The following TAFA4 variants were observed in gnomAD, a reference collection of about 807,000 sequenced individuals.
TAFA4 encodes chemokine-like protein TAFA-4.
In TAFA4, 20 loss-of-function variants were observed where a neutral mutation model predicts 21.1. The observed-to-expected ratio is 0.95, with a 90% CI of 0.67 to 1.38. The LOEUF is 1.38. Ranked by LOEUF, TAFA4 falls within the 40% of genes most tolerant of loss-of-function variation. The pLI, the probability that TAFA4 is intolerant of heterozygous loss-of-function variation, is 0.00. For missense variants in TAFA4, 211 were observed against 180.9 expected, an observed-to-expected ratio of 1.17 and a Z score of -0.95; for synonymous variants, 71 against 67.4, an observed-to-expected ratio of 1.05 and a Z score of -0.26.
chr3:68,831,480 G>C (rs139486875), intron 3 of TAFA4, among the ~76,000 whole-genome samples: 1 of 151,638 alleles, frequency 6.6e-6, no homozygotes, highest in African/African-American at 2.4e-5. Flanking sequence ...TTCTGGGTTG[G>C]AAATTCTTTT....
rs563159131 is a variant in TAFA4 at position 68,777,189 on chromosome 3, A to C, written c.131-24171T>G. 5.1e-4 allele frequency among the ~76,000 whole-genome samples: 78 copies of C among 152,220 alleles called. 3 individuals carry two copies. The South Asian group carries it at 0.013, about 26-fold the overall frequency. On this transcript the variant is annotated intron_variant, in intron 3 of 5. Coordinates refer to ENST00000295569, the MANE Select transcript of TAFA4 (RefSeq NM_182522.5). ...TTCATACTATAACTGTCTAAAGCAA[A>C]ATAATAATACACTATGGAATTTAAA... is the stretch of plus-strand genomic sequence containing the variant.
intron 3 of TAFA4, among the ~76,000 whole-genome samples, chr3:68,789,357 T>C (rs72925147): frequency 0.03 from 4,512 of 152,278 alleles, 235 homozygotes; most frequent in African/African-American, 0.1. Context: ...CTTCTTTTTA[T>C]GCCTGTATCA....
At chr3:68,742,082 T>C (rs139576277) in intron 4 of TAFA4, among the ~76,000 whole-genome samples, 300 of 152,326 alleles carry the variant, frequency 2.0e-3, no homozygotes, top group African/African-American at 6.7e-3. Context: ...ATAAATGTGA[T>C]ACACCACATT....
At chr3:68,922,701 G>A (rs1005711631) in intron 1 of TAFA4, among the ~76,000 whole-genome samples, 7 of 152,160 alleles carry the variant, frequency 4.6e-5, no homozygotes, top group African/African-American at 1.4e-4. Context: ...AAAATCTCTC[G>A]AAGAAACGGT....
chr3:68,743,628 A>T lies in TAFA4; in HGVS notation c.287-4429T>A, dbSNP rs765823899. 2.6e-5 allele frequency among the ~76,000 whole-genome samples: 4 copies of T among 152,000 alleles called. No individual in the cohort carries two copies. In the South Asian group the frequency reaches 6.3e-4, roughly 24 times the overall value. The stretch of plus-strand genomic sequence containing the variant: ...TATATTCTTTGCAGCCTCAAATATC[A>T]TAACAATTTCCCCTTGCAGCTTCAT... On this transcript the variant is annotated intron_variant, in intron 4 of 5. Transcript: ENST00000295569.
intron 5 of TAFA4, among the ~76,000 whole-genome samples, chr3:68,737,383 T>G (rs1229872420): frequency 1.3e-5 from 2 of 152,162 alleles, no homozygotes; most frequent in African/African-American, 4.8e-5. Context: ...AGTGTTGACC[T>G]CCTTGCACCA....
intron 1 of TAFA4, among the ~76,000 whole-genome samples, chr3:68,919,344 A>G (rs1575673601): frequency 1.3e-5 from 2 of 152,188 alleles, no homozygotes; most frequent in East Asian, 1.9e-4. Context: ...AATCTTAATG[A>G]CATCGTCTTG....
intron 3 of TAFA4, among the ~76,000 whole-genome samples, chr3:68,877,925 A>G (rs1333592662): frequency 6.6e-6 from 1 of 152,178 alleles, no homozygotes; most frequent in Non-Finnish European, 1.5e-5. Flanking sequence ...AGTTATCCCA[A>G]TAACTCCAAA....
intron 4 of TAFA4, among the ~76,000 whole-genome samples, chr3:68,742,450 C>G (rs72933928): frequency 0.017 from 2,556 of 148,206 alleles, 82 homozygotes; most frequent in African/African-American, 0.06. Context: ...GTCAGAAACT[C>G]TAGTTCAAAC....
Position 68,733,058 on chromosome 3 carries a change from T to C in TAFA4, c.*84A>G. 6.3e-7 allele frequency: 1 copy of C among 1,577,974 alleles called. No homozygotes were observed. Among genetic ancestry groups the C allele is most frequent in the Non-Finnish European group, 8.7e-7 (1 of 1,155,222 alleles). On this transcript the variant is annotated 3_prime_UTR_variant, in exon 6 of 6. Coordinates refer to ENST00000295569, the MANE Select transcript of TAFA4 (RefSeq NM_182522.5). ...GTTGCTGAAATCCTAGACAATTTTCTGCAAAGGGGCCATGATGGGAATCCA... is the reference window on the plus strand; with the variant it reads ...GTTGCTGAAATCCTAGACAATTTTCCGCAAAGGGGCCATGATGGGAATCCA...
chr3:68,772,028 T>C (rs1273533049), intron 3 of TAFA4, among the ~76,000 whole-genome samples: 4 of 119,318 alleles, frequency 3.4e-5, no homozygotes, highest in African/African-American at 8.1e-5. Context: ...GGGATGAAGA[T>C]TTTTTTTTTA....
chr3:68,802,780 G>A (rs80116877), intron 3 of TAFA4, among the ~76,000 whole-genome samples: 5,440 of 152,204 alleles, frequency 0.036, 285 homozygotes, highest in East Asian at 0.24. Flanking sequence ...TAGAACATCC[G>A]AGAAATCACC....
intron 3 of TAFA4, among the ~76,000 whole-genome samples, chr3:68,773,049 C>A (rs1702988160): frequency 6.6e-6 from 1 of 152,176 alleles, no homozygotes; most frequent in African/African-American, 2.4e-5. Flanking sequence ...ATGATTAACT[C>A]CAGCTCAGTC....
At position 68,732,557 on chromosome 3, in the gene TAFA4, A is replaced by ACAATG. The variant is rs1702168724; in HGVS notation, c.*580_*584dup. The ACAATG allele has an allele frequency of 6.5e-6, 1 of 152,748 alleles. No homozygotes were observed. The highest frequency in any genetic ancestry group is 2.4e-5 in the African/African-American group (1 of 41,574). The allele number at this position is 152,748 out of a possible 1,614,324, so 9.5% of individuals were successfully genotyped here. A position where few individuals can be genotyped will look rare whatever the true frequency, so the allele number is the denominator to read the frequency against. ...GCAAAAAAAAAATAGAAGTAAAAAT[A>ACAATG]CAATGCACACACAATAATCCAACTA... On this transcript the variant is annotated 3_prime_UTR_variant, in exon 6 of 6. Coordinates refer to ENST00000295569, the MANE Select transcript of TAFA4 (RefSeq NM_182522.5).
chr3:68,874,614 G>T lies in TAFA4; in HGVS notation c.130+6116C>A, dbSNP rs1319107373. Reference sequence around the variant, plus strand: ...GGAAATTTCTTCTCAAGGGTAAGGAGAATCTTTTCCCAAACTACCCGAGGA... The same window carrying T: ...GGAAATTTCTTCTCAAGGGTAAGGATAATCTTTTCCCAAACTACCCGAGGA... On this transcript the variant is annotated intron_variant, in intron 3 of 5. Coordinates refer to ENST00000295569, the MANE Select transcript of TAFA4 (RefSeq NM_182522.5). Among the ~76,000 whole-genome samples the T allele has an allele frequency of 2.0e-5, 3 of 152,098 alleles. No homozygotes were observed. The East Asian group carries it at 5.8e-4, about 29-fold the overall frequency.
intron 3 of TAFA4, among the ~76,000 whole-genome samples, chr3:68,848,957 G>C (rs938266930): frequency 3.3e-5 from 5 of 151,630 alleles, no homozygotes; most frequent in African/African-American, 1.2e-4. Flanking sequence ...TGTACCTAGC[G>C]AGAAAAATAA....
intron 3 of TAFA4, among the ~76,000 whole-genome samples, chr3:68,760,632 C>T (rs1365468178): frequency 6.6e-6 from 1 of 152,196 alleles, no homozygotes. Context: ...TTCAGCCTAT[C>T]TCTCCACGGG....
intron 1 of TAFA4, among the ~76,000 whole-genome samples, chr3:68,889,483 C>T (rs2089709791): frequency 6.6e-6 from 1 of 152,192 alleles, no homozygotes; most frequent in Admixed American, 6.5e-5. Flanking sequence ...TGAATTCCCT[C>T]AGAGAACTAT....
intron 3 of TAFA4, among the ~76,000 whole-genome samples, chr3:68,853,495 T>G (rs976623717): frequency 1.3e-5 from 2 of 152,154 alleles, no homozygotes; most frequent in African/African-American, 4.8e-5. Context: ...CATGTCTCTT[T>G]TGAAGAAGGT....
Sources: gnomAD v4.1 joint callset for allele counts (sites outside exome capture counted in the v4.1 genomes callset) on GRCh38, gnomAD v4.1.1 for gene constraint, MANE v1.5 for transcripts, NCBI Gene and HGNC (gene_info 2026-07-23, HGNC 2026-07-21) for gene names.